Variants in OR4K1 observed in about 807,000 individuals in gnomAD.
OR4K1 encodes the protein olfactory receptor 4K1.
In OR4K1, 16 loss-of-function variants were observed where a neutral mutation model predicts 14.4. The observed-to-expected ratio is 1.11, with a 90% CI of 0.75 to 1.68. OR4K1 has a LOEUF of 1.68. Ranked by LOEUF, OR4K1 falls within the 40% of genes most tolerant of loss-of-function variation. OR4K1 has a pLI of 0.00. For missense variants in OR4K1, 548 were observed against 376.9 expected (o/e 1.45, Z -3.76); for synonymous variants, 181 against 133.1 (o/e 1.36, Z -2.48).
At chr14:19,921,580 A>G in the OR4K1 span, 1 of 1,604,198 alleles carries the variant, frequency 6.2e-7, no homozygotes, top group Non-Finnish European at 8.5e-7. Flanking sequence ...TTTCATTAAG[A>G]CAAAACTCCT....
chr14:19,922,063 T>C, the OR4K1 span, among the ~76,000 whole-genome samples: 1 of 133,654 alleles, frequency 7.5e-6, no homozygotes, highest in Non-Finnish European at 1.7e-5. Context: ...TATTAGGTTA[T>C]GAGACTCCCC....
upstream of OR4K1, among the ~76,000 whole-genome samples, chr14:19,928,078 T>C (rs1225287793): frequency 6.6e-6 from 1 of 152,230 alleles, no homozygotes; most frequent in Non-Finnish European, 1.5e-5. Flanking sequence ...TTTTTTGAGA[T>C]GGTGAACTCC....
chr14:19,935,422 T>C (rs527672430), intron 1 of OR4K1, among the ~76,000 whole-genome samples: 1 of 152,334 alleles, frequency 6.6e-6, no homozygotes, highest in South Asian at 2.1e-4. Context: ...TTTTTTCTAA[T>C]TATGACAGGG....
intron 1 of OR4K1, among the ~76,000 whole-genome samples, chr14:19,933,737 T>C (rs1444746970): frequency 6.6e-6 from 1 of 152,142 alleles, no homozygotes; most frequent in African/African-American, 2.4e-5. Context: ...GGACTACAAG[T>C]GTGTGCCACC....
intron 1 of OR4K1, among the ~76,000 whole-genome samples, chr14:19,933,583 A>T (rs1234914515): frequency 6.6e-6 from 1 of 151,992 alleles, no homozygotes; most frequent in African/African-American, 2.4e-5. Flanking sequence ...TTCTTGAGTA[A>T]CTTAGGTTTC....
chr14:19,926,496 T>A (rs184844428), upstream of OR4K1, among the ~76,000 whole-genome samples: 39 of 152,384 alleles, frequency 2.6e-4, no homozygotes, highest in East Asian at 5.8e-3. Flanking sequence ...TTCTGCTAAA[T>A]CATTTAGGTG....
upstream of OR4K1, among the ~76,000 whole-genome samples, chr14:19,928,787 A>G (rs973986429): frequency 6.6e-6 from 1 of 152,100 alleles, no homozygotes; most frequent in African/African-American, 2.4e-5. Flanking sequence ...AGAGTTGCAG[A>G]GTATTTCTGT....
At chr14:19,920,783 G>A in the OR4K1 span, 2 of 1,614,128 alleles carry the variant, frequency 1.2e-6, no homozygotes, top group South Asian at 1.1e-5. Flanking sequence ...ACTCCCCTAT[G>A]TACTTTCTCT....
rs1278847235 is a variant in OR4K1 at position 19,936,124 on chromosome 14, T to G, written c.458T>G (p.Val153Gly). 6.2e-7 allele frequency: 1 copy of G among 1,614,016 alleles called. No homozygotes were observed. The highest frequency in any genetic ancestry group is 1.3e-5 in the African/African-American group (1 of 74,922). The stretch of plus-strand genomic sequence containing the variant: ...GTGTCTATTTCCTGGGCGGTGGGCG[T>G]TCTTCATTCTGTGAGCCACTTGGCT... ...IFVSISWAVGVLHSVSHLAFT... is the reference protein window; with the variant it reads ...IFVSISWAVGGLHSVSHLAFT... The change falls in exon 2 of 2, where the codon GTT becomes GGT. Residue 153 changes from valine to glycine, a missense_variant. Transcript: ENST00000641172.
chr14:19,930,274 C>A (rs1223766084), upstream of OR4K1, among the ~76,000 whole-genome samples: 2 of 152,154 alleles, frequency 1.3e-5, no homozygotes, highest in East Asian at 3.8e-4. Flanking sequence ...AAGATAGAAA[C>A]ACTAAGTAAT....
upstream of OR4K1, among the ~76,000 whole-genome samples, chr14:19,930,024 TTA>T (rs1477915952): frequency 6.6e-6 from 1 of 152,204 alleles, no homozygotes; most frequent in Non-Finnish European, 1.5e-5. Context: ...TCCCTCAACA[TTA>T]TGTTTTTAAC....
the OR4K1 span, among the ~76,000 whole-genome samples, chr14:19,923,977 C>T: frequency 2.6e-5 from 4 of 152,090 alleles, no homozygotes; most frequent in South Asian, 2.1e-4. Context: ...TTGAAGGTAT[C>T]GAAAAATCAG....
chr14:19,935,767 TC>T lies in OR4K1; in HGVS notation c.102del (p.Tyr35MetfsTer2), dbSNP rs756107426. The T allele has an allele frequency of 6.2e-7, 1 of 1,614,190 alleles. No individual in the cohort carries two copies. The highest frequency in any genetic ancestry group is 1.1e-5 in the South Asian group (1 of 91,090). ...QLFFFAIFSI[V>X]YVTSVLGNVL... is the part of the protein sequence containing the mutation. ...TTCTTTTTTGCCATCTTCTCTATAG[TC>T]TATGTGACATCAGTGCTAGGCAATG... On this transcript the variant is annotated frameshift_variant, in exon 2 of 2. Transcript: ENST00000641172. LOFTEE classifies it high-confidence loss of function.
At chr14:19,925,637 T>C in the OR4K1 span, among the ~76,000 whole-genome samples, 1 of 152,284 alleles carries the variant, frequency 6.6e-6, no homozygotes, top group Non-Finnish European at 1.5e-5. Context: ...GCTATGCTTA[T>C]GAACTAAGTT....
At chr14:19,920,791 T>C in the OR4K1 span, 3 of 1,614,234 alleles carry the variant, frequency 1.9e-6, no homozygotes, top group African/African-American at 2.7e-5. Context: ...ATGTACTTTC[T>C]CTTGGGAAAC....
upstream of OR4K1, among the ~76,000 whole-genome samples, chr14:19,930,216 T>C (rs1882156353): frequency 6.6e-6 from 1 of 152,204 alleles, no homozygotes; most frequent in South Asian, 2.1e-4. Flanking sequence ...AATGCTTATA[T>C]ATGTGAATGT....
rs1882338631 is a variant in OR4K1 at position 19,936,736 on chromosome 14, G to T, written c.*134G>T. On this transcript the variant is annotated 3_prime_UTR_variant, in exon 2 of 2. Transcript: ENST00000641172. The stretch of plus-strand genomic sequence containing the variant: ...TTGGCTTTTTGTTTTAAGTGCAAGG[G>T]AATTGCATCAAGTCAGTCTCTGGTT... The T allele has an allele frequency of 9.1e-6, 6 of 658,612 alleles. No homozygotes were observed. The highest frequency in any genetic ancestry group is 1.4e-5 in the Non-Finnish European group (6 of 427,302). The allele number at this position is 658,612 out of a possible 1,614,324, so 40.8% of individuals were successfully genotyped here. A position where few individuals can be genotyped will look rare whatever the true frequency, so the allele number is the denominator to read the frequency against.
chr14:19,924,426 A>AAAAAAAAAAAAT, the OR4K1 span, among the ~76,000 whole-genome samples: 1 of 142,724 alleles, frequency 7.0e-6, no homozygotes, highest in Non-Finnish European at 1.6e-5. Context: ...AAAAAAAAAA[A>AAAAAAAAAAAAT]AGATAGCATT....
the OR4K1 span, among the ~76,000 whole-genome samples, chr14:19,924,038 A>C: frequency 6.6e-6 from 1 of 152,322 alleles, no homozygotes; most frequent in Non-Finnish European, 1.5e-5. Context: ...CAGTTGAATA[A>C]AAAAAAGTCA....
Sources: allele counts gnomAD v4.1 joint callset (sites outside exome capture counted in the v4.1 genomes callset), GRCh38; gene constraint gnomAD v4.1.1; transcripts MANE v1.5; gene names NCBI Gene and HGNC (gene_info 2026-07-23, HGNC 2026-07-21).